SLC71A1: variants seen among roughly 807,000 people sequenced by gnomAD.
SLC71A1 encodes solute carrier family 71 member 1.
chr1:100,046,212 G>GTTTTTTTTT, the SLC71A1 span, among the ~76,000 whole-genome samples: 72 of 54,118 alleles, frequency 1.3e-3, 23 homozygotes, highest in East Asian at 3.2e-3. Context: ...TCCAAGCCTC[G>GTTTTTTTTT]TTTTTTTTTT....
the SLC71A1 span, among the ~76,000 whole-genome samples, chr1:100,069,919 T>C: frequency 6.6e-6 from 1 of 152,190 alleles, no homozygotes. Context: ...TACTAGGATA[T>C]ATGTCTGGAT....
At chr1:100,065,729 T>C in the SLC71A1 span, among the ~76,000 whole-genome samples, 2 of 150,386 alleles carry the variant, frequency 1.3e-5, no homozygotes, top group Admixed American at 1.3e-4. Flanking sequence ...TTTTTAACCC[T>C]TTCCTTCCCC....
the SLC71A1 span, among the ~76,000 whole-genome samples, chr1:100,055,618 T>C: frequency 6.6e-6 from 1 of 152,066 alleles, no homozygotes; most frequent in African/African-American, 2.4e-5. Flanking sequence ...TGTATATATT[T>C]ATGGGGGTAC....
At chr1:100,066,418 C>T in the SLC71A1 span, among the ~76,000 whole-genome samples, 1 of 152,144 alleles carries the variant, frequency 6.6e-6, no homozygotes, top group South Asian at 2.1e-4. Context: ...ATGGAGATGC[C>T]CTTAACCAAG....
At chr1:100,077,184 T>G in the SLC71A1 span, 1 of 1,492,146 alleles carries the variant, frequency 6.7e-7, no homozygotes, top group Admixed American at 1.9e-5. Context: ...TTGAGTTTAC[T>G]TATGAGGTCA....
the SLC71A1 span, among the ~76,000 whole-genome samples, chr1:100,066,693 T>TA: frequency 6.6e-6 from 1 of 152,038 alleles, no homozygotes; most frequent in Non-Finnish European, 1.5e-5. Context: ...CTAAAAGAGT[T>TA]AAAAAATTTA....
the SLC71A1 span, among the ~76,000 whole-genome samples, chr1:100,058,901 T>C: frequency 3.1e-4 from 47 of 152,220 alleles, no homozygotes; most frequent in African/African-American, 1.0e-3. Flanking sequence ...ACTTAATACT[T>C]TCTAGACTTG....
At chr1:100,065,806 TCTC>T in the SLC71A1 span, among the ~76,000 whole-genome samples, 1 of 150,738 alleles carries the variant, frequency 6.6e-6, no homozygotes, top group African/African-American at 2.4e-5. Context: ...TCTTCTCTCC[TCTC>T]CTCTTCTTTC....
At chr1:100,053,211 A>G in the SLC71A1 span, among the ~76,000 whole-genome samples, 1 of 152,132 alleles carries the variant, frequency 6.6e-6, no homozygotes, top group East Asian at 1.9e-4. Flanking sequence ...TTTGCTTACA[A>G]ATTTTGTTTT....
chr1:100,072,912 C>T, the SLC71A1 span, among the ~76,000 whole-genome samples: 2 of 152,212 alleles, frequency 1.3e-5, no homozygotes, highest in South Asian at 4.1e-4. Context: ...GGGGGTGACT[C>T]CCACACTTAC....
At chr1:100,061,056 A>G in the SLC71A1 span, among the ~76,000 whole-genome samples, 1 of 152,192 alleles carries the variant, frequency 6.6e-6, no homozygotes, top group African/African-American at 2.4e-5. Context: ...AAAATTGAAC[A>G]TGGAATGAAC....
the SLC71A1 span, among the ~76,000 whole-genome samples, chr1:100,051,058 C>G: frequency 6.7e-6 from 1 of 148,960 alleles, no homozygotes; most frequent in Admixed American, 6.7e-5. Context: ...ACACTCCAGC[C>G]TGGGCGACGG....
chr1:100,039,007 A>G, the SLC71A1 span, among the ~76,000 whole-genome samples: 1 of 152,238 alleles, frequency 6.6e-6, no homozygotes, highest in African/African-American at 2.4e-5. Context: ...TATTAGAATC[A>G]GTCATGGCCT....
At chr1:100,079,181 G>A in the SLC71A1 span, 1 of 152,008 alleles carries the variant, frequency 6.6e-6, no homozygotes, top group African/African-American at 2.4e-5. Context: ...GACCTTTTAT[G>A]AATGTTGTCC....
chr1:100,048,897 C>T, the SLC71A1 span, among the ~76,000 whole-genome samples: 1 of 152,312 alleles, frequency 6.6e-6, no homozygotes, highest in Admixed American at 6.5e-5. Flanking sequence ...GGGGGAAGTG[C>T]TGGGAAGCCA....
chr1:100,063,265 AAAAACAAAACAAAACAAAAC>A, the SLC71A1 span, among the ~76,000 whole-genome samples: 10 of 151,510 alleles, frequency 6.6e-5, no homozygotes, highest in African/African-American at 2.4e-4. Flanking sequence ...TGTTCTGGCA[AAAAACAAAACAAAACAAAAC>A]AAAACAAAAC....
the SLC71A1 span, chr1:100,078,588 A>C: frequency 7.3e-7 from 1 of 1,361,492 alleles, no homozygotes. Flanking sequence ...TTAAAAGTAC[A>C]GAATGTTCTA....
the SLC71A1 span, chr1:100,082,722 TA>T: frequency 9.7e-3 from 1,428 of 147,544 alleles, 13 homozygotes; most frequent in Non-Finnish European, 0.015. Context: ...TGTTTGCATT[TA>T]AAAAAAAAAA....
At chr1:100,081,386 G>T in the SLC71A1 span, among the ~76,000 whole-genome samples, 1 of 151,860 alleles carries the variant, frequency 6.6e-6, no homozygotes, top group African/African-American at 2.4e-5. Flanking sequence ...GTTTTTTGTT[G>T]TTTCTGAGAC....
Sources: gnomAD v4.1 joint callset for allele counts (sites outside exome capture counted in the v4.1 genomes callset) on GRCh38, gnomAD v4.1.1 for gene constraint, MANE v1.5 for transcripts, NCBI Gene and HGNC (gene_info 2026-07-23, HGNC 2026-07-21) for gene names.